SORCS2: variants seen among roughly 807,000 people sequenced by gnomAD.
SORCS2 encodes the protein sortilin related VPS10 domain containing receptor 2.
In SORCS2, 100 loss-of-function variants were observed where a neutral mutation model predicts 141.6. The ratio of observed to expected loss-of-function variants is 0.71; its 90% CI spans 0.60 to 0.83. SORCS2 has a LOEUF of 0.83. SORCS2 is among the 40% of genes least tolerant of loss of function. The pLI, the probability that SORCS2 is intolerant of heterozygous loss-of-function variation, is 0.00. For synonymous variants in SORCS2, 789 were observed against 676.9 expected (o/e 1.17, Z -2.57); for missense variants, 1,646 against 1,560.2 (o/e 1.05, Z -0.93).
intron 1 of SORCS2, among the ~76,000 whole-genome samples, chr4:7,306,614 C>G (rs1055507510): frequency 2.6e-5 from 4 of 152,204 alleles, no homozygotes; most frequent in Non-Finnish European, 1.5e-5. Flanking sequence ...TCCCGTGGGG[C>G]TAGGCATGCC....
chr4:7,244,103 G>A (rs1476544694), intron 1 of SORCS2, among the ~76,000 whole-genome samples: 1 of 152,192 alleles, frequency 6.6e-6, no homozygotes, highest in African/African-American at 2.4e-5. Flanking sequence ...ACGGGAAAGA[G>A]GGTCCCCACT....
At chr4:7,371,470 C>A (rs1210571272) in intron 1 of SORCS2, among the ~76,000 whole-genome samples, 1 of 152,216 alleles carries the variant, frequency 6.6e-6, no homozygotes, top group Non-Finnish European at 1.5e-5. Flanking sequence ...CCTTGCTCTG[C>A]TTCCACATTT....
intron 19 of SORCS2, 63 bp from the exon 20 acceptor site, chr4:7,725,091 G>A: frequency 2.6e-6 from 4 of 1,552,176 alleles, no homozygotes; most frequent in East Asian, 4.5e-5. Flanking sequence ...TGATCACTAA[G>A]CAGCCTCTGA....
At chr4:7,519,609 T>G (rs1412949142) in intron 2 of SORCS2, among the ~76,000 whole-genome samples, 1 of 152,242 alleles carries the variant, frequency 6.6e-6, no homozygotes, top group Non-Finnish European at 1.5e-5. Context: ...TGCCTGTGCC[T>G]GTAAAACTTG....
intron 3 of SORCS2, among the ~76,000 whole-genome samples, chr4:7,574,063 T>C (rs35171394): frequency 0.27 from 41,015 of 152,278 alleles, 7,284 homozygotes; most frequent in East Asian, 0.72. Context: ...CCTGAGCCCT[T>C]TGGCATTGCT....
intron 3 of SORCS2, among the ~76,000 whole-genome samples, chr4:7,629,414 C>T (rs943611154): frequency 2.0e-5 from 3 of 151,984 alleles, no homozygotes; most frequent in Non-Finnish European, 1.5e-5. Flanking sequence ...GGGTGTGAAA[C>T]AAGTCAGAGA....
chr4:7,649,318 T>A (rs1255406158), intron 4 of SORCS2, among the ~76,000 whole-genome samples: 27 of 103,662 alleles, frequency 2.6e-4, no homozygotes, highest in Admixed American at 8.8e-4. Context: ...ATGCAGGGAG[T>A]GAGCAGGATG....
chr4:7,518,561 G>C (rs1167971941), intron 2 of SORCS2, among the ~76,000 whole-genome samples: 1 of 152,166 alleles, frequency 6.6e-6, no homozygotes, highest in Admixed American at 6.5e-5. Context: ...GTAACACTCT[G>C]GGTTTTAGAG....
At chr4:7,222,135 G>A (rs545592030) in intron 1 of SORCS2, among the ~76,000 whole-genome samples, 2 of 152,270 alleles carry the variant, frequency 1.3e-5, no homozygotes, top group South Asian at 4.1e-4. Context: ...GACAGAAAGT[G>A]TCATGTGACC....
rs1731842318 is a variant in SORCS2 at position 7,499,697 on chromosome 4, AC to A, written c.549-31830del. Among the ~76,000 whole-genome samples, 5 of 151,486 alleles carry A rather than the reference AC, an allele frequency of 3.3e-5. No homozygotes were observed. In the East Asian group the frequency reaches 9.8e-4, roughly 30 times the overall value. On this transcript the variant is annotated intron_variant, in intron 2 of 26. Transcript: ENST00000507866. ...CCCCAGCTGAGCCATGCCCCGGGAG[AC>A]CCTTCCTGGAAAGATCCTCTCGTCT... is the stretch of plus-strand genomic sequence containing the variant.
At chr4:7,383,596 C>T (rs140588853) in intron 1 of SORCS2, among the ~76,000 whole-genome samples, 142 of 152,292 alleles carry the variant, frequency 9.3e-4, no homozygotes, top group Non-Finnish European at 1.7e-3. Context: ...CGGAGATACC[C>T]GGGCACTTTT....
chr4:7,213,926 T>A (rs1875337), intron 1 of SORCS2, among the ~76,000 whole-genome samples: 1 of 152,020 alleles, frequency 6.6e-6, no homozygotes, highest in African/African-American at 2.4e-5. Context: ...CTTTATTCCA[T>A]GTCCCTGCCC....
intron 1 of SORCS2, among the ~76,000 whole-genome samples, chr4:7,225,563 G>A (rs912382018): frequency 1.3e-5 from 2 of 152,182 alleles, no homozygotes; most frequent in African/African-American, 2.4e-5. Context: ...GGCTGGGACC[G>A]GGGCTCACTG....
chr4:7,661,117 C>T (rs1393307021), intron 5 of SORCS2, among the ~76,000 whole-genome samples: 1 of 152,010 alleles, frequency 6.6e-6, no homozygotes, highest in Non-Finnish European at 1.5e-5. Flanking sequence ...TTTAGATGAT[C>T]AAAATAAAAC....
At chr4:7,655,751 G>T (rs748697174) in intron 5 of SORCS2, among the ~76,000 whole-genome samples, 1 of 152,218 alleles carries the variant, frequency 6.6e-6, no homozygotes, top group Non-Finnish European at 1.5e-5. Flanking sequence ...GGGCCTGAGC[G>T]CTCGCAGAGG....
At chr4:7,424,662 C>G (rs1449660947) in intron 2 of SORCS2, among the ~76,000 whole-genome samples, 1 of 152,214 alleles carries the variant, frequency 6.6e-6, no homozygotes, top group Non-Finnish European at 1.5e-5. Context: ...GCAGGGCTCA[C>G]AGCAGCTCCC....
intron 8 of SORCS2, among the ~76,000 whole-genome samples, chr4:7,673,085 C>T (rs1404186958): frequency 2.0e-5 from 3 of 152,206 alleles, no homozygotes; most frequent in Non-Finnish European, 4.4e-5. Context: ...TCTACCTTTT[C>T]TCAAAGAAGA....
Position 7,729,640 on chromosome 4 carries a change from C to T in SORCS2, c.3036C>T (p.Pro1012=). ...TGACTGTGGTGAAGCCGGGGCTGCC[C>T]ACTTTGGCCGATCTGTACGTGCTCC... ...LLVTVVKPGL[P]TLADLYVLLP... The change falls in exon 23 of 27, where the codon CCC becomes CCT. Residue 1012 remains proline, a synonymous_variant. Transcript: ENST00000507866. The T allele has an allele frequency of 6.2e-7, 1 of 1,600,880 alleles. No individual in the cohort carries two copies. The highest frequency in any genetic ancestry group is 8.5e-7 in the Non-Finnish European group (1 of 1,173,950).
chr4:7,260,842 T>C (rs1484638234), intron 1 of SORCS2, among the ~76,000 whole-genome samples: 2 of 152,222 alleles, frequency 1.3e-5, no homozygotes, highest in African/African-American at 4.8e-5. Flanking sequence ...CTCTTCCTCC[T>C]GCTGCTGCTC....
Sources: gnomAD v4.1 joint callset for allele counts (sites outside exome capture counted in the v4.1 genomes callset) on GRCh38, gnomAD v4.1.1 for gene constraint, MANE v1.5 for transcripts, NCBI Gene and HGNC (gene_info 2026-07-23, HGNC 2026-07-21) for gene names.